AP2B1: variants seen among roughly 807,000 people sequenced by gnomAD.
AP2B1 encodes adaptor related protein complex 2 subunit beta 1.
A neutral mutation model predicts 102.0 loss-of-function variants in AP2B1; 23 were observed. That is an observed-to-expected ratio of 0.23 (90% CI 0.16 to 0.32). The LOEUF (loss-of-function observed/expected upper bound fraction) is 0.32. Ranked by LOEUF, AP2B1 falls within the 10% of genes least tolerant of loss-of-function variation. The pLI, the probability that AP2B1 is intolerant of heterozygous loss-of-function variation, is 1.00. For synonymous variants in AP2B1, 381 were observed against 421.2 expected (o/e 0.90, Z 1.17); for missense variants, 541 against 1,157.4 (o/e 0.47, Z 7.73).
intron 20 of AP2B1, among the ~76,000 whole-genome samples, chr17:35,711,527 G>A (rs2076449422): frequency 6.6e-6 from 1 of 151,428 alleles, no homozygotes; most frequent in African/African-American, 2.4e-5. Context: ...GGAGTGCAGT[G>A]GCACAATCTC....
chr17:35,667,561 C>T lies in AP2B1; in HGVS notation c.1990-3296C>T, dbSNP rs144179473. On this transcript the variant is annotated intron_variant, in intron 14 of 21. Coordinates refer to ENST00000610402, the MANE Select transcript of AP2B1 (RefSeq NM_001030006.2). ...GACAGTACTTTCAGATCCTTTCCAGCTAAGATAATATTCATATATCATTCA... is the reference window on the plus strand; with the variant it reads ...GACAGTACTTTCAGATCCTTTCCAGTTAAGATAATATTCATATATCATTCA... 2.0e-5 allele frequency among the ~76,000 whole-genome samples: 3 copies of T among 152,220 alleles called. No homozygotes were observed. In the East Asian group the frequency reaches 5.8e-4, roughly 29 times the overall value.
intron 21 of AP2B1, 53 bp from the exon 22 acceptor site, chr17:35,723,572 A>C: frequency 7.9e-5 from 99 of 1,251,776 alleles, no homozygotes; most frequent in Non-Finnish European, 1.0e-4. Context: ...GGATACCTTT[A>C]GAGCTAATGC....
In AP2B1 at chr17:35,723,802, G is replaced by A. The variant is rs899792864; in HGVS notation, c.*103G>A. The stretch of plus-strand genomic sequence containing the variant: ...CTGCGTAGAATCTGAACACACTGAG[G>A]CCACCTAGCAAGGTAGTAACTAGTC... On this transcript the variant is annotated 3_prime_UTR_variant, in exon 22 of 22. Coordinates refer to ENST00000610402, the MANE Select transcript of AP2B1 (RefSeq NM_001030006.2). 42 of 842,882 alleles carry A rather than the reference G, an allele frequency of 5.0e-5. No individual in the cohort carries two copies. In the East Asian group the frequency reaches 1.0e-3, roughly 21 times the overall value. The allele number at this position is 842,882 out of a possible 1,614,324, so 52.2% of individuals were successfully genotyped here. A position where few individuals can be genotyped will look rare whatever the true frequency, so the allele number is the denominator to read the frequency against.
intron 1 of AP2B1, among the ~76,000 whole-genome samples, chr17:35,588,361 C>CG (rs1711328307): frequency 1.3e-5 from 2 of 152,030 alleles, no homozygotes; most frequent in Admixed American, 1.3e-4. Context: ...AGTCTGGTCT[C>CG]GAACTCCTGG....
At chr17:35,594,092 CTT>C (rs1214221650) in intron 2 of AP2B1, 25 bp downstream of exon 2, 1 of 1,546,582 alleles carries the variant, frequency 6.5e-7, no homozygotes. Flanking sequence ...ACAATCAAAT[CTT>C]TTGAAATTTT....
At chr17:35,690,637 C>T (rs1187382647) in intron 18 of AP2B1, among the ~76,000 whole-genome samples, 1 of 152,168 alleles carries the variant, frequency 6.6e-6, no homozygotes, top group African/African-American at 2.4e-5. Context: ...ACACTCTCCT[C>T]CTCTCCCCAC....
In AP2B1 at chr17:35,674,234, G is replaced by A. The variant is rs141309963; in HGVS notation, c.2237G>A (p.Arg746His). 53 of 1,613,954 alleles carry A rather than the reference G, an allele frequency of 3.3e-5. No homozygotes were observed. In the African/African-American group the frequency reaches 3.7e-4, roughly 11 times the overall value. Residue 746 changes from arginine to histidine, a missense_variant, in exon 17 of 22, where the codon CGC (arginine) becomes CAC (histidine). Physicochemically the swap from Arg to His is conservative, Grantham distance 29. Around this residue, in one of 10 missense-constraint regions of AP2B1, gnomAD observed 62 missense variants for 87.6 expected, o/e 0.71. Coordinates refer to ENST00000610402, the MANE Select transcript of AP2B1 (RefSeq NM_001030006.2). ...GLEISGTFTH[R>H]QGHIYMEMNF... is the part of the protein sequence containing the mutation. Reference sequence around the variant, plus strand: ...GAGATTTCCGGAACATTTACTCACCGCCAAGGGCACATCTATATGGAAATG... The same window carrying A: ...GAGATTTCCGGAACATTTACTCACCACCAAGGGCACATCTATATGGAAATG...
chr17:35,701,253 TA>T (rs1458775483), intron 18 of AP2B1, among the ~76,000 whole-genome samples: 2 of 152,228 alleles, frequency 1.3e-5, no homozygotes, highest in African/African-American at 2.4e-5. Context: ...TTTTTCATTT[TA>T]TTTTTTTAAT....
At chr17:35,604,114 A>T (rs190336379) in intron 3 of AP2B1, among the ~76,000 whole-genome samples, 17 of 152,040 alleles carry the variant, frequency 1.1e-4, no homozygotes, top group African/African-American at 4.1e-4. Flanking sequence ...GTTATTTTTT[A>T]TTTTTATTTT....
At chr17:35,713,856 C>T (rs752948295) in intron 20 of AP2B1, 1 of 152,176 alleles carries the variant, frequency 6.6e-6, no homozygotes, top group African/African-American at 2.4e-5. Context: ...AATGTTAGAT[C>T]AGAAAGCTGC....
chr17:35,620,839 T>C (rs1399241367), intron 5 of AP2B1, among the ~76,000 whole-genome samples: 1 of 152,162 alleles, frequency 6.6e-6, no homozygotes, highest in Non-Finnish European at 1.5e-5. Context: ...ACAATTTTTT[T>C]CTTGGAAACT....
At chr17:35,722,006 C>T (rs587604545) in intron 21 of AP2B1, among the ~76,000 whole-genome samples, 6 of 152,192 alleles carry the variant, frequency 3.9e-5, no homozygotes, top group Non-Finnish European at 8.8e-5. Flanking sequence ...TTTGGGAGGC[C>T]GAGGTGGGTG....
chr17:35,609,446 A>G (rs150370799), intron 5 of AP2B1, among the ~76,000 whole-genome samples: 1,607 of 150,906 alleles, frequency 0.011, 22 homozygotes, highest in African/African-American at 0.029. Flanking sequence ...TTCCAGGTTC[A>G]TGCCATTGTC....
At chr17:35,638,263 G>T (rs1363598193) in intron 10 of AP2B1, among the ~76,000 whole-genome samples, 1 of 152,154 alleles carries the variant, frequency 6.6e-6, no homozygotes, top group Non-Finnish European at 1.5e-5. Context: ...TCAAGAGCCT[G>T]GTTTAATCAG....
At chr17:35,626,143 A>G (rs114399710) in intron 6 of AP2B1, among the ~76,000 whole-genome samples, 2 of 152,096 alleles carry the variant, frequency 1.3e-5, no homozygotes, top group Non-Finnish European at 2.9e-5. Context: ...TGTTTTCCCT[A>G]CCAGCCTGCC....
At chr17:35,676,773 A>T (rs1255940458) in intron 17 of AP2B1, among the ~76,000 whole-genome samples, 1 of 109,450 alleles carries the variant, frequency 9.1e-6, no homozygotes. Flanking sequence ...AGCATTTTTT[A>T]AAATAAGCAT....
intron 9 of AP2B1, among the ~76,000 whole-genome samples, chr17:35,634,497 ATC>A (rs1475618010): frequency 6.6e-6 from 1 of 152,152 alleles, no homozygotes; most frequent in Non-Finnish European, 1.5e-5. Context: ...CTGTTCTGGT[ATC>A]TCTCTCTTTT....
chr17:35,665,645 A>G (rs2075449875), intron 14 of AP2B1, among the ~76,000 whole-genome samples: 8 of 152,248 alleles, frequency 5.3e-5, no homozygotes, highest in Admixed American at 5.2e-4. Flanking sequence ...TGACTCCTGA[A>G]TAATAGAGCT....
intron 14 of AP2B1, among the ~76,000 whole-genome samples, chr17:35,665,008 G>A (rs1274059163): frequency 2.0e-5 from 3 of 151,658 alleles, no homozygotes; most frequent in Admixed American, 1.3e-4. Context: ...TGATCTCAAT[G>A]CGTTTATGCT....
Sources: gnomAD v4.1 joint callset for allele counts (sites outside exome capture counted in the v4.1 genomes callset) on GRCh38, gnomAD v4.1.1 for gene constraint, gnomAD v4.1.1 regional missense constraint, MANE v1.5 for transcripts, NCBI Gene and HGNC (gene_info 2026-07-23, HGNC 2026-07-21) for gene names.